SPIRE2: variants seen among roughly 807,000 people sequenced by gnomAD.
SPIRE2 encodes protein spire homolog 2.
A neutral mutation model predicts 80.7 loss-of-function variants in SPIRE2; 76 were observed. The ratio of observed to expected loss-of-function variants is 0.94; its 90% CI spans 0.78 to 1.14. The LOEUF (loss-of-function observed/expected upper bound fraction) is 1.14, where lower values mean the gene tolerates loss of function less well. SPIRE2 is among the 50% of genes most tolerant of loss of function. The probability of loss-of-function intolerance (pLI) is 0.00; values close to 1 mark genes in which losing one functional copy is unlikely to be tolerated. For synonymous variants in SPIRE2, 535 were observed against 432.6 expected, an observed-to-expected ratio of 1.24 and a Z score of -2.94; for missense variants, 1,196 against 1,015.3, an observed-to-expected ratio of 1.18 and a Z score of -2.42.
At position 89,870,216 on chromosome 16, in the gene SPIRE2, A is replaced by G; in HGVS notation, c.2089A>G (p.Ser697Gly). The G allele has an allele frequency of 6.2e-7, 1 of 1,607,768 alleles. No homozygotes were observed. The highest frequency in any genetic ancestry group is 2.2e-5 in the East Asian group (1 of 44,708). The change falls in exon 15 of 15, where the codon AGT becomes GGT. Residue 697 changes from serine (S) to glycine (G), a missense_variant. Physicochemically the swap from Ser to Gly is moderately conservative, Grantham distance 56 (BLOSUM62 0). Transcript: ENST00000378247. Reference protein sequence around the residue: ...VDVLNTTPRRSRQTQSLYIPN... With the variant: ...VDVLNTTPRRGRQTQSLYIPN... ...CGTCCTCAACACTACGCCACGACGCAGTCGCCAGACCCAATCCCTCTACAT... is the reference window on the plus strand; with the variant it reads ...CGTCCTCAACACTACGCCACGACGCGGTCGCCAGACCCAATCCCTCTACAT...
intron 7 of SPIRE2, among the ~76,000 whole-genome samples, chr16:89,857,149 T>TC: frequency 6.6e-6 from 1 of 150,592 alleles, no homozygotes; most frequent in Middle Eastern, 3.4e-3. Context: ...TTTTTTTTTT[T>TC]TTTTTGAGAT....
intron 3 of SPIRE2, among the ~76,000 whole-genome samples, chr16:89,850,896 G>A (rs1429928575): frequency 6.6e-6 from 1 of 152,044 alleles, no homozygotes; most frequent in Non-Finnish European, 1.5e-5. Context: ...AGGGGTAGTG[G>A]CTCGATCTCG....
chr16:89,861,676 G>A (rs1194528778), intron 10 of SPIRE2, among the ~76,000 whole-genome samples: 4 of 152,206 alleles, frequency 2.6e-5, no homozygotes, highest in African/African-American at 4.8e-5. Context: ...AGGGTCTTTC[G>A]TGAGGCTGCA....
At chr16:89,843,306 G>A (rs1374859682) in intron 1 of SPIRE2, among the ~76,000 whole-genome samples, 5 of 152,182 alleles carry the variant, frequency 3.3e-5, no homozygotes, top group Admixed American at 1.3e-4. Flanking sequence ...GGGAAGTGGA[G>A]CAACCAGCTC....
chr16:89,829,445 T>C (rs2041358416), intron 1 of SPIRE2, among the ~76,000 whole-genome samples: 2 of 152,238 alleles, frequency 1.3e-5, no homozygotes, highest in Non-Finnish European at 2.9e-5. Flanking sequence ...GAAAGTGATT[T>C]CTTCCCTGGA....
chr16:89,843,029 C>T, intron 1 of SPIRE2, among the ~76,000 whole-genome samples: 1 of 152,256 alleles, frequency 6.6e-6, no homozygotes, highest in East Asian at 1.9e-4. Context: ...ATATATACAT[C>T]TTACCTCATT....
rs1299656862 is a variant in SPIRE2, at chr16:89,842,229, T to TTTTTTTTC, written c.245-3092_245-3091insTTTTTTCT. Among the ~76,000 whole-genome samples the TTTTTTTTC allele has an allele frequency of 1.3e-3, 180 of 137,474 alleles. 13 individuals carry two copies. Among genetic ancestry groups the TTTTTTTTC allele is most frequent in the African/African-American group, 5.1e-3 (168 of 33,040 alleles). The allele number at this position is 137,474 out of a possible 152,430, so 90.2% of individuals were successfully genotyped here. A position where few individuals can be genotyped will look rare whatever the true frequency, so the allele number is the denominator to read the frequency against. On this transcript the variant is annotated intron_variant, in intron 1 of 14. Coordinates refer to ENST00000378247, the MANE Select transcript of SPIRE2 (RefSeq NM_032451.2). The stretch of plus-strand genomic sequence containing the variant: ...CGTAATTTTTTTTTTTTTTTTTTTT[T>TTTTTTTTC]TGTGACGGAGTCTCACTCTGTTGCC...
Position 89,868,219 on chromosome 16 carries a change from G to T in SPIRE2, c.1806+3G>T. 1 of 1,614,048 alleles carries T rather than the reference G, an allele frequency of 6.2e-7. No homozygotes were observed. On this transcript the variant is annotated splice_donor_region_variant and intron_variant, in intron 13 of 14. Transcript: ENST00000378247. ...TCTGCACTTCCTGTAGCATAAAGGT[G>T]AGGACCATGTGGGATCTCTGGGGTC...
intron 1 of SPIRE2, among the ~76,000 whole-genome samples, chr16:89,843,389 G>A (rs1048740964): frequency 6.6e-6 from 1 of 152,066 alleles, no homozygotes; most frequent in East Asian, 1.9e-4. Flanking sequence ...AATGAAATAC[G>A]TGACTCCAGC....
chr16:89,840,280 C>G (rs8056619), intron 1 of SPIRE2, among the ~76,000 whole-genome samples: 2 of 144,726 alleles, frequency 1.4e-5, no homozygotes, highest in Non-Finnish European at 3.0e-5. Context: ...GACGGAGTCT[C>G]GCTCTGTCGT....
chr16:89,869,754 G>A (rs2041822963), intron 14 of SPIRE2, 72 bp downstream of exon 14: 2 of 1,192,508 alleles, frequency 1.7e-6, no homozygotes, highest in Non-Finnish European at 2.5e-6. Context: ...AGCTGGGGTG[G>A]AGGGGGCTGG....
At chr16:89,865,306 A>G (rs2041779838) in intron 12 of SPIRE2, among the ~76,000 whole-genome samples, 2 of 152,146 alleles carry the variant, frequency 1.3e-5, no homozygotes, top group African/African-American at 4.8e-5. Flanking sequence ...GCGCCTGGCC[A>G]GAAGTATACT....
intron 1 of SPIRE2, among the ~76,000 whole-genome samples, chr16:89,841,523 G>A (rs924813199): frequency 6.6e-6 from 1 of 152,106 alleles, no homozygotes; most frequent in Admixed American, 6.6e-5. Flanking sequence ...CTGGGTGTTC[G>A]GCTGGGTTGC....
intron 12 of SPIRE2, 42 bp from the exon 13 acceptor site, chr16:89,868,147 C>A: frequency 6.2e-7 from 1 of 1,613,488 alleles, no homozygotes; most frequent in East Asian, 2.2e-5. Flanking sequence ...TGTTTGTGGG[C>A]TTCCTCCCTG....
chr16:89,848,953 C>T (rs1490383902), intron 2 of SPIRE2, among the ~76,000 whole-genome samples: 2 of 141,474 alleles, frequency 1.4e-5, no homozygotes, highest in Non-Finnish European at 3.2e-5. Context: ...GAGGCAGGTT[C>T]CAGGGCCTTC....
intron 7 of SPIRE2, among the ~76,000 whole-genome samples, chr16:89,856,751 C>T (rs1001498320): frequency 2.6e-5 from 4 of 151,662 alleles, no homozygotes; most frequent in African/African-American, 7.3e-5. Context: ...TGAACCACTG[C>T]ACCTGGCCAA....
chr16:89,854,330 T>A lies in SPIRE2; in HGVS notation c.690T>A (p.Pro230=). 6.2e-7 allele frequency: 1 copy of A among 1,612,618 alleles called. No homozygotes were observed. Among genetic ancestry groups the A allele is most frequent in the Non-Finnish European group, 8.5e-7 (1 of 1,179,898 alleles). The change falls in exon 4 of 15, where the codon CCT becomes CCA. Residue 230 remains proline (P), a synonymous_variant. Coordinates refer to ENST00000378247, the MANE Select transcript of SPIRE2 (RefSeq NM_032451.2). ...AGGACGAGCCGCATCTGGAGACGCCTCGGGCAGAGCTGGACAGCCTGGGTC... is the reference window on the plus strand; with the variant it reads ...AGGACGAGCCGCATCTGGAGACGCCACGGGCAGAGCTGGACAGCCTGGGTC... The part of the protein sequence containing the change: ...LREDEPHLET[P]RAELDSLGHT...
At position 89,830,105 on chromosome 16, in the gene SPIRE2, G is replaced by C. The variant is rs74033890; in HGVS notation, c.244+1311G>C. 6.6e-3 allele frequency among the ~76,000 whole-genome samples: 998 copies of C among 151,416 alleles called. 16 individuals are homozygous for C. Among genetic ancestry groups the C allele is most frequent in the African/African-American group, 0.023 (946 of 41,484 alleles). On this transcript the variant is annotated intron_variant, in intron 1 of 14. Transcript: ENST00000378247. ...TGGTAAGTGGTTTGCCGGGTGGTTA[G>C]AATCCAGAGCTCCTCATTTGTCCTA...
chr16:89,838,595 G>A (rs781462480), intron 1 of SPIRE2, among the ~76,000 whole-genome samples: 9 of 152,174 alleles, frequency 5.9e-5, no homozygotes, highest in African/African-American at 2.2e-4. Context: ...TGGCAGATCT[G>A]TGTTTGCCCC....
Sources: allele counts gnomAD v4.1 joint callset (sites outside exome capture counted in the v4.1 genomes callset), GRCh38; gene constraint gnomAD v4.1.1; transcripts MANE v1.5; gene names NCBI Gene and HGNC (gene_info 2026-07-23, HGNC 2026-07-21).